The following RAB22A variants were observed in gnomAD, a reference collection of about 807,000 sequenced individuals.
RAB22A encodes the protein ras-related protein Rab-22A.
Under a neutral mutation model 30.2 loss-of-function variants are expected in RAB22A, and 13 were observed. The ratio of observed to expected loss-of-function variants is 0.43; its 90% confidence interval spans 0.28 to 0.68. The LOEUF (loss-of-function observed/expected upper bound fraction) is 0.68, where lower values mean the gene tolerates loss of function less well. Among genes scored for constraint, RAB22A ranks in the 30% least tolerant of loss-of-function variants. The probability of loss-of-function intolerance (pLI) is 0.18; values close to 1 mark genes in which losing one functional copy is unlikely to be tolerated. For synonymous variants in RAB22A, 89 were observed against 87.2 expected (o/e 1.02, Z -0.11); for missense variants, 177 against 246.8 (o/e 0.72, Z 1.89).
intron 6 of RAB22A, among the ~76,000 whole-genome samples, chr20:58,354,500 A>G (rs533515468): frequency 6.6e-6 from 1 of 152,132 alleles, no homozygotes; most frequent in Non-Finnish European, 1.5e-5. Context: ...TGCACAGGGT[A>G]CTGAGGTCAT....
In RAB22A at chr20:58,366,139, A is replaced by G; in HGVS notation, c.*6436A>G. Reference sequence around the variant, plus strand: ...ACCTTACCGTCTCTGTGATTGAAGCAGACTTCTCGCTTTATTTCCCTTAGG... The same window carrying G: ...ACCTTACCGTCTCTGTGATTGAAGCGGACTTCTCGCTTTATTTCCCTTAGG... On this transcript the variant is annotated 3_prime_UTR_variant, in exon 7 of 7. Coordinates refer to ENST00000244040, the MANE Select transcript of RAB22A (RefSeq NM_020673.3). 1 of 152,158 alleles carries G rather than the reference A, an allele frequency of 6.6e-6. No homozygotes were observed. The highest frequency in any genetic ancestry group is 1.9e-4 in the East Asian group (1 of 5,200). 9.4% of individuals were successfully genotyped at this position (152,158 alleles called of 1,614,324 possible). A position where few individuals can be genotyped will look rare whatever the true frequency, so the allele number is the denominator to read the frequency against.
intron 3 of RAB22A, among the ~76,000 whole-genome samples, chr20:58,352,855 G>A (rs533121432): frequency 1.3e-5 from 2 of 152,234 alleles, no homozygotes; most frequent in African/African-American, 2.4e-5. Context: ...CAGATTACAG[G>A]GTTTTCTTTA....
chr20:58,331,453 A>C lies in RAB22A; in HGVS notation c.117-12265A>C, dbSNP rs1016086988. The stretch of plus-strand genomic sequence containing the variant: ...TATCCTCAGCCCACAATAGACGCTC[A>C]GTAAAAAATTATTATTGAAGATTTT... On this transcript the variant is annotated intron_variant, in intron 2 of 6. Transcript: ENST00000244040. Among the ~76,000 whole-genome samples, 3 of 152,242 alleles carry C rather than the reference A, an allele frequency of 2.0e-5. No individual in the cohort carries two copies. In the East Asian group the frequency reaches 5.8e-4, roughly 29 times the overall value.
At position 58,339,107 on chromosome 20, in the gene RAB22A, A is replaced by G. The variant is rs575037125; in HGVS notation, c.117-4611A>G. ...AAAGAAATGTTTAAAATACCTTGCA[A>G]CAAGTTTTTTCATTGAGAGCACGTA... On this transcript the variant is annotated intron_variant, in intron 2 of 6. Coordinates refer to ENST00000244040, the MANE Select transcript of RAB22A (RefSeq NM_020673.3). 3.3e-5 allele frequency among the ~76,000 whole-genome samples: 5 copies of G among 152,346 alleles called. No homozygotes were observed. The South Asian group carries it at 1.0e-3, about 32-fold the overall frequency.
intron 2 of RAB22A, among the ~76,000 whole-genome samples, chr20:58,340,489 A>G (rs1361548689): frequency 2.6e-5 from 4 of 152,198 alleles, no homozygotes; most frequent in Non-Finnish European, 5.9e-5. Flanking sequence ...TGCTTCAGGA[A>G]GTGCTTGGCC....
chr20:58,315,266 A>ATGTT (rs1196862914), intron 2 of RAB22A, among the ~76,000 whole-genome samples: 2 of 152,002 alleles, frequency 1.3e-5, no homozygotes, highest in African/African-American at 4.8e-5. Context: ...CTGACTTCCC[A>ATGTT]TGTTTCTCAC....
At chr20:58,326,648 G>C (rs1390415909) in intron 2 of RAB22A, among the ~76,000 whole-genome samples, 1 of 151,918 alleles carries the variant, frequency 6.6e-6, no homozygotes, top group African/African-American at 2.4e-5. Flanking sequence ...GTTTTTTTGT[G>C]GACATAGGTT....
chr20:58,329,400 G>GT (rs1232286086), intron 2 of RAB22A, among the ~76,000 whole-genome samples: 2 of 152,144 alleles, frequency 1.3e-5, no homozygotes, highest in Non-Finnish European at 2.9e-5. Flanking sequence ...GATTTCAGAT[G>GT]TTTTTTCTTT....
Position 58,359,605 on chromosome 20 carries a change from G to A in RAB22A, c.488-1G>A, listed in dbSNP as rs1482621095. The A allele has an allele frequency of 3.1e-6, 5 of 1,599,152 alleles. No individual in the cohort carries two copies. Among genetic ancestry groups the A allele is most frequent in the Non-Finnish European group, 4.3e-6 (5 of 1,168,276 alleles). On this transcript the variant is annotated splice_acceptor_variant, in intron 6 of 6. Transcript: ENST00000244040. LOFTEE classifies it high-confidence loss of function. ...CCTTCCCTTTTCTCATCTTGGTTTA[G>A]GTCGAAGAATTCCATCCACTGACGC...
chr20:58,318,744 C>T (rs547205459), intron 2 of RAB22A, among the ~76,000 whole-genome samples: 1 of 152,238 alleles, frequency 6.6e-6, no homozygotes, highest in South Asian at 2.1e-4. Context: ...CACATTTGCC[C>T]TCCCTCCATC....
intron 2 of RAB22A, among the ~76,000 whole-genome samples, chr20:58,328,701 T>G (rs1040776241): frequency 6.6e-6 from 1 of 152,052 alleles, no homozygotes; most frequent in African/African-American, 2.4e-5. Context: ...CCTCCCTACT[T>G]AGGTAGTCCT....
chr20:58,323,482 T>A (rs556328), intron 2 of RAB22A, among the ~76,000 whole-genome samples: 45,181 of 151,832 alleles, frequency 0.3, 6,971 homozygotes, highest in South Asian at 0.45. Flanking sequence ...TCAGGTAGGA[T>A]CTCTAGTTCA....
chr20:58,349,867 A>G (rs910857382), intron 3 of RAB22A, among the ~76,000 whole-genome samples: 2 of 152,224 alleles, frequency 1.3e-5, no homozygotes, highest in African/African-American at 4.8e-5. Flanking sequence ...AGAAACAGGA[A>G]GGTGTGACCC....
chr20:58,337,574 A>G (rs1986779814), intron 2 of RAB22A, among the ~76,000 whole-genome samples: 2 of 152,096 alleles, frequency 1.3e-5, no homozygotes, highest in African/African-American at 2.4e-5. Context: ...GTAATTATCT[A>G]TTCACCTGAC....
rs529517438 is a variant in RAB22A at position 58,353,569 on chromosome 20, C to T, written c.377+31C>T. ...TTATTAGAACGAGAGATTACAATAC[C>T]TATTATGTGTTCCTTTTCTTAATAA... On this transcript the variant is annotated intron_variant, in intron 5 of 6. Coordinates refer to ENST00000244040, the MANE Select transcript of RAB22A (RefSeq NM_020673.3). The T allele has an allele frequency of 1.8e-5, 26 of 1,467,250 alleles. No individual in the cohort carries two copies. In the South Asian group the frequency reaches 2.8e-4, roughly 16 times the overall value. The allele number at this position is 1,467,250 out of a possible 1,614,324, so 90.9% of individuals were successfully genotyped here.
chr20:58,325,783 T>C (rs1296204279), intron 2 of RAB22A, among the ~76,000 whole-genome samples: 1 of 152,224 alleles, frequency 6.6e-6, no homozygotes, highest in East Asian at 1.9e-4. Flanking sequence ...TGGTAAATGT[T>C]CCATGTTTAT....
intron 2 of RAB22A, among the ~76,000 whole-genome samples, chr20:58,325,076 C>G (rs1986540043): frequency 2.0e-5 from 3 of 146,450 alleles, no homozygotes; most frequent in Non-Finnish European, 4.5e-5. Context: ...ACTCAGGAGG[C>G]TGAGGCAGGA....
chr20:58,334,350 T>G (rs566782889), intron 2 of RAB22A, among the ~76,000 whole-genome samples: 1 of 150,856 alleles, frequency 6.6e-6, no homozygotes, highest in Non-Finnish European at 1.5e-5. Flanking sequence ...AAAAAAAAAA[T>G]TCTTTTTTTT....
Position 58,353,752 on chromosome 20 carries a change from G to A in RAB22A, c.377+214G>A, listed in dbSNP as rs140565412. On this transcript the variant is annotated intron_variant, in intron 5 of 6. Coordinates refer to ENST00000244040, the MANE Select transcript of RAB22A (RefSeq NM_020673.3). The stretch of plus-strand genomic sequence containing the variant: ...GTATACAGACAGGTGTGCAATTTAC[G>A]GAAATACTGGTTGCGTTGCATCCAA... Among the ~76,000 whole-genome samples the A allele has an allele frequency of 3.3e-5, 5 of 152,228 alleles. No individual in the cohort carries two copies. In the East Asian group the frequency reaches 9.7e-4, roughly 29 times the overall value.
Sources: allele counts gnomAD v4.1 joint callset (sites outside exome capture counted in the v4.1 genomes callset), GRCh38; gene constraint gnomAD v4.1.1; transcripts MANE v1.5; gene names NCBI Gene and HGNC (gene_info 2026-07-23, HGNC 2026-07-21).